The following RPTOR variants were observed in gnomAD, a reference collection of about 807,000 sequenced individuals.
The protein encoded by RPTOR is regulatory-associated protein of mTOR.
Under a neutral mutation model 169.9 loss-of-function variants are expected in RPTOR, and 21 were observed. The ratio of observed to expected loss-of-function variants is 0.12; its 90% CI spans 0.09 to 0.18. The LOEUF (loss-of-function observed/expected upper bound fraction) is 0.18. Ranked by LOEUF, RPTOR falls within the 10% of genes least tolerant of loss-of-function variation. The pLI is 1.00. For missense variants in RPTOR, 1,133 were observed against 1,855.9 expected (o/e 0.61, Z 7.16); for synonymous variants, 732 against 753.2 (o/e 0.97, Z 0.46).
At chr17:80,887,382 TG>T (rs1333642694) in intron 17 of RPTOR, among the ~76,000 whole-genome samples, 25 of 10,550 alleles carry the variant, frequency 2.4e-3, no homozygotes, top group African/African-American at 6.6e-3. Context: ...TGCTGACTCT[TG>T]GGGGGGGTGC....
intron 21 of RPTOR, among the ~76,000 whole-genome samples, chr17:80,918,865 C>T (rs2068711996): frequency 6.6e-6 from 1 of 152,138 alleles, no homozygotes; most frequent in Admixed American, 6.5e-5. Context: ...GCAGAGAGGG[C>T]TCCACACAGC....
intron 10 of RPTOR, among the ~76,000 whole-genome samples, chr17:80,846,109 C>T (rs2067726774): frequency 1.3e-5 from 2 of 152,270 alleles, no homozygotes; most frequent in Admixed American, 6.5e-5. Context: ...TCCACACACT[C>T]ACGGGGTCCC....
intron 1 of RPTOR, among the ~76,000 whole-genome samples, chr17:80,567,748 C>T (rs148120172): frequency 0.056 from 8,423 of 150,964 alleles, 796 homozygotes; most frequent in African/African-American, 0.19. Flanking sequence ...GCCGAGATCG[C>T]GCCACTGCCC....
chr17:80,799,540 C>G (rs1420199215), intron 7 of RPTOR, among the ~76,000 whole-genome samples: 2 of 152,258 alleles, frequency 1.3e-5, no homozygotes, highest in African/African-American at 4.8e-5. Context: ...GAGAATACCT[C>G]TCTTGCCACT....
chr17:80,670,435 A>C (rs2065812927), intron 3 of RPTOR, among the ~76,000 whole-genome samples: 1 of 151,948 alleles, frequency 6.6e-6, no homozygotes, highest in Non-Finnish European at 1.5e-5. Flanking sequence ...AAGCCTTTTA[A>C]CCATCCGGAG....
intron 5 of RPTOR, among the ~76,000 whole-genome samples, chr17:80,734,421 A>G (rs1333010284): frequency 1.3e-5 from 2 of 152,134 alleles, no homozygotes; most frequent in Non-Finnish European, 2.9e-5. Flanking sequence ...TTGTTCTCCT[A>G]GGGGAAATCC....
chr17:80,555,201 C>A (rs1274400365), intron 1 of RPTOR, among the ~76,000 whole-genome samples: 1 of 152,188 alleles, frequency 6.6e-6, no homozygotes, highest in African/African-American at 2.4e-5. Flanking sequence ...CTTGAAGTGA[C>A]ATTAGATAAG....
intron 13 of RPTOR, among the ~76,000 whole-genome samples, chr17:80,874,309 G>A (rs2068082636): frequency 6.6e-6 from 1 of 151,542 alleles, no homozygotes; most frequent in Non-Finnish European, 1.5e-5. Flanking sequence ...CGATTTTCCT[G>A]CCTCAGCCTC....
In RPTOR at chr17:80,771,046, C is replaced by T. The variant is rs148006069; in HGVS notation, c.830+16861C>T. Among the ~76,000 whole-genome samples, 68 of 152,358 alleles carry T rather than the reference C, an allele frequency of 4.5e-4. 2 individuals are homozygous for T. In the South Asian group the frequency reaches 0.013, roughly 30 times the overall value. ...TGATCGCTGCCTTCTGAGCCGTCAGCCTCACTGGCCTGTCCCTAATCCTTG... is the reference window on the plus strand; with the variant it reads ...TGATCGCTGCCTTCTGAGCCGTCAGTCTCACTGGCCTGTCCCTAATCCTTG... On this transcript the variant is annotated intron_variant, in intron 6 of 33. Transcript: ENST00000306801.
At chr17:80,795,113 GA>G (rs1174809861) in intron 7 of RPTOR, among the ~76,000 whole-genome samples, 4 of 152,258 alleles carry the variant, frequency 2.6e-5, no homozygotes, top group African/African-American at 9.6e-5. Context: ...GGAGAGTGCA[GA>G]GCAGATGCAG....
chr17:80,645,795 GAC>G (rs1171633460), intron 3 of RPTOR, among the ~76,000 whole-genome samples: 1 of 152,196 alleles, frequency 6.6e-6, no homozygotes, highest in African/African-American at 2.4e-5. Context: ...CCAGAAAGAT[GAC>G]AGTGTAGACT....
rs1247376431 is a variant in RPTOR at position 80,728,756 on chromosome 17, C to T, written c.508-1804C>T. Among the ~76,000 whole-genome samples the T allele has an allele frequency of 4.7e-5, 7 of 149,942 alleles. No individual in the cohort carries two copies. The South Asian group carries it at 1.0e-3, about 22-fold the overall frequency. On this transcript the variant is annotated intron_variant, in intron 4 of 33. Coordinates refer to ENST00000306801, the MANE Select transcript of RPTOR (RefSeq NM_020761.3). The stretch of plus-strand genomic sequence containing the variant: ...TCTTGTGCTTTTTTTTTTCTCTGTA[C>T]TATATAATCATCTTGTTAAATTCCG...
intron 29 of RPTOR, among the ~76,000 whole-genome samples, chr17:80,958,452 C>T (rs1434908959): frequency 7.0e-6 from 1 of 142,026 alleles, no homozygotes; most frequent in African/African-American, 2.8e-5. Context: ...GCCTTGTCGC[C>T]CAGGCTGGAG....
Position 80,884,996 on chromosome 17 carries a change from G to T in RPTOR, c.1843-12G>T, listed in dbSNP as rs753936694. ...GTGTGGGACATGCCTGTGACCCCCCGCCGCCTTGCAGGTCCGCTGCGCAGC... is the reference window on the plus strand; with the variant it reads ...GTGTGGGACATGCCTGTGACCCCCCTCCGCCTTGCAGGTCCGCTGCGCAGC... On this transcript the variant is annotated splice_polypyrimidine_tract_variant and intron_variant, in intron 16 of 33. Coordinates refer to ENST00000306801, the MANE Select transcript of RPTOR (RefSeq NM_020761.3). The T allele has an allele frequency of 9.3e-6, 15 of 1,605,090 alleles. 1 individual carries two copies. The highest frequency in any genetic ancestry group is 9.0e-5 in the South Asian group (8 of 88,778).
chr17:80,731,237 A>G (rs767168410), intron 5 of RPTOR, among the ~76,000 whole-genome samples: 4 of 152,128 alleles, frequency 2.6e-5, no homozygotes, highest in African/African-American at 4.8e-5. Context: ...TTTTAATCCA[A>G]ACATTAATTG....
At chr17:80,904,473 T>C (rs1485908409) in intron 20 of RPTOR, among the ~76,000 whole-genome samples, 1 of 152,152 alleles carries the variant, frequency 6.6e-6, no homozygotes, top group Non-Finnish European at 1.5e-5. Context: ...CTGAGTAAAT[T>C]TCCCCGCCGT....
At position 80,853,564 on chromosome 17, in the gene RPTOR, A is replaced by T. The variant is rs76356378; in HGVS notation, c.1315-1900A>T. On this transcript the variant is annotated intron_variant, in intron 11 of 33. Coordinates refer to ENST00000306801, the MANE Select transcript of RPTOR (RefSeq NM_020761.3). ...ACCCAGCGCAGCACCTGCCCCATAA[A>T]CACCCCTTGGATGACTGGGGCATCG... 7.2e-3 allele frequency among the ~76,000 whole-genome samples: 1,100 copies of T among 152,252 alleles called. 11 individuals are homozygous for T. The highest frequency in any genetic ancestry group is 0.025 in the African/African-American group (1,037 of 41,526).
At chr17:80,790,067 A>G (rs752579434) in intron 6 of RPTOR, among the ~76,000 whole-genome samples, 3 of 152,188 alleles carry the variant, frequency 2.0e-5, no homozygotes, top group Non-Finnish European at 4.4e-5. Context: ...TAGGAGCTGC[A>G]TGTGTCTGTG....
At chr17:80,828,875 A>C (rs1022245609) in intron 9 of RPTOR, among the ~76,000 whole-genome samples, 25 of 152,246 alleles carry the variant, frequency 1.6e-4, no homozygotes, top group African/African-American at 5.1e-4. Flanking sequence ...GCAGTCTTAA[A>C]ATTTTATTCA....
Sources: gnomAD v4.1 joint callset for allele counts (sites outside exome capture counted in the v4.1 genomes callset) on GRCh38, gnomAD v4.1.1 for gene constraint, MANE v1.5 for transcripts, NCBI Gene and HGNC (gene_info 2026-07-23, HGNC 2026-07-21) for gene names.